Variants in LRGUK observed in about 807,000 individuals in gnomAD.
The protein encoded by LRGUK is leucine rich repeats and guanylate kinase domain containing.
A neutral mutation model predicts 76.0 loss-of-function variants in LRGUK; 65 were observed. The observed-to-expected ratio is 0.85, with a 90% CI of 0.70 to 1.05. The LOEUF is 1.05. LRGUK is among the 50% of genes least tolerant of loss of function. The pLI, the probability that LRGUK is intolerant of heterozygous loss-of-function variation, is 0.00. For missense variants in LRGUK, 758 were observed against 732.8 expected (o/e 1.03, Z -0.40); for synonymous variants, 268 against 265.6 (o/e 1.01, Z -0.09).
intron 18 of LRGUK, among the ~76,000 whole-genome samples, chr7:134,256,507 G>A (rs1802589120): frequency 6.7e-6 from 1 of 149,332 alleles, no homozygotes; most frequent in African/African-American, 2.5e-5. Context: ...TTTCCGGTTA[G>A]TTTTCCAAGC....
At chr7:134,245,257 C>A (rs1333206780) in intron 16 of LRGUK, among the ~76,000 whole-genome samples, 1 of 152,178 alleles carries the variant, frequency 6.6e-6, no homozygotes, top group African/African-American at 2.4e-5. Flanking sequence ...TACTCAAACA[C>A]TACTGGAATG....
intron 1 of LRGUK, 118 bp downstream of exon 1, chr7:134,127,782 C>A: frequency 8.3e-7 from 1 of 1,204,996 alleles, no homozygotes; most frequent in Non-Finnish European, 1.1e-6. Context: ...CTCAGGCTCT[C>A]TCGCCTCCAG....
chr7:134,237,166 T>A (rs1271462835), intron 16 of LRGUK, among the ~76,000 whole-genome samples: 1 of 147,506 alleles, frequency 6.8e-6, no homozygotes. Context: ...GTGATTTTCC[T>A]CCCTCAGCTT....
chr7:134,227,650 A>AC (rs1801796461), intron 16 of LRGUK, among the ~76,000 whole-genome samples: 1 of 152,184 alleles, frequency 6.6e-6, no homozygotes, highest in African/African-American at 2.4e-5. Context: ...CTTTAATGTG[A>AC]CTGCATTTAT....
intron 16 of LRGUK, among the ~76,000 whole-genome samples, chr7:134,245,708 C>T (rs541976270): frequency 2.4e-4 from 36 of 151,926 alleles, no homozygotes; most frequent in East Asian, 7.7e-4. Flanking sequence ...AAAGTAAGGG[C>T]GGTATACAAT....
chr7:134,173,567 A>C (rs1799348918), intron 7 of LRGUK, among the ~76,000 whole-genome samples: 1 of 152,212 alleles, frequency 6.6e-6, no homozygotes, highest in South Asian at 2.1e-4. Context: ...GGCCTGCCGC[A>C]ATCCAAGTTC....
intron 4 of LRGUK, among the ~76,000 whole-genome samples, chr7:134,146,090 A>G (rs1222405): frequency 0.24 from 35,873 of 151,980 alleles, 5,075 homozygotes; most frequent in South Asian, 0.35. Flanking sequence ...CATGGTCAAC[A>G]TGGTGAAACC....
At chr7:134,178,478 T>G in intron 9 of LRGUK, 25 bp from the exon 10 acceptor site, 1 of 1,567,100 alleles carries the variant, frequency 6.4e-7, no homozygotes, top group East Asian at 2.2e-5. Context: ...TTTTTTTCCC[T>G]TTTACATCTC....
At chr7:134,243,407 A>G (rs1449208221) in intron 16 of LRGUK, among the ~76,000 whole-genome samples, 2 of 152,216 alleles carry the variant, frequency 1.3e-5, no homozygotes, top group Non-Finnish European at 2.9e-5. Context: ...CTATACACCA[A>G]TAACAGACAA....
At chr7:134,276,622 G>GA in the LRGUK span, among the ~76,000 whole-genome samples, 91 of 149,864 alleles carry the variant, frequency 6.1e-4, no homozygotes, top group African/African-American at 2.1e-3. Context: ...AAATAGAAAG[G>GA]AAAAAAAAAG....
At chr7:134,258,229 A>G in intron 18 of LRGUK, 28 bp from the exon 19 acceptor site, 1 of 1,613,308 alleles carries the variant, frequency 6.2e-7, no homozygotes, top group Non-Finnish European at 8.5e-7. Context: ...TGGATCTCAA[A>G]AAGATCTTTG....
chr7:134,155,142 C>T (rs1798400579), intron 5 of LRGUK, among the ~76,000 whole-genome samples: 1 of 152,164 alleles, frequency 6.6e-6, no homozygotes, highest in Admixed American at 6.5e-5. Context: ...GACAGATGGC[C>T]ATTCGAAGTT....
chr7:134,274,888 A>G, the LRGUK span, among the ~76,000 whole-genome samples: 1 of 152,026 alleles, frequency 6.6e-6, no homozygotes, highest in African/African-American at 2.4e-5. Context: ...CTTTAACTCA[A>G]TTCAAATCTG....
chr7:134,269,643 C>T, the LRGUK span, among the ~76,000 whole-genome samples: 1 of 152,232 alleles, frequency 6.6e-6, no homozygotes, highest in African/African-American at 2.4e-5. Flanking sequence ...AGCCACTGTG[C>T]CTAGCCTCAA....
chr7:134,160,228 C>T (rs1293248339), intron 6 of LRGUK, among the ~76,000 whole-genome samples: 3 of 152,120 alleles, frequency 2.0e-5, no homozygotes, highest in Non-Finnish European at 4.4e-5. Context: ...GTAGCATTTT[C>T]ATCCTAAGAG....
At chr7:134,258,962 C>A (rs371081841) in intron 19 of LRGUK, among the ~76,000 whole-genome samples, 1 of 152,144 alleles carries the variant, frequency 6.6e-6, no homozygotes, top group African/African-American at 2.4e-5. Flanking sequence ...ACTGTCCACC[C>A]GGCCACATTA....
chr7:134,171,484 T>C (rs2068009675), intron 7 of LRGUK, among the ~76,000 whole-genome samples: 1 of 151,926 alleles, frequency 6.6e-6, no homozygotes, highest in Middle Eastern at 3.2e-3. Flanking sequence ...ATATATAAGT[T>C]TTTTTTTAAA....
the LRGUK span, among the ~76,000 whole-genome samples, chr7:134,270,471 A>G: frequency 6.6e-6 from 1 of 152,096 alleles, no homozygotes; most frequent in Admixed American, 6.5e-5. Context: ...CCCATTTTGT[A>G]TCCTTTCTAA....
chr7:134,191,010 C>T (rs188278493), intron 11 of LRGUK, among the ~76,000 whole-genome samples: 2 of 69,060 alleles, frequency 2.9e-5, no homozygotes, highest in East Asian at 8.1e-4. Context: ...TGAGCTGAGA[C>T]TTCCATTCAG....
Sources: gnomAD v4.1 joint callset for allele counts (sites outside exome capture counted in the v4.1 genomes callset) on GRCh38, gnomAD v4.1.1 for gene constraint, MANE v1.5 for transcripts, NCBI Gene and HGNC (gene_info 2026-07-23, HGNC 2026-07-21) for gene names.